SLCO4A1: variants seen among roughly 807,000 people sequenced by gnomAD.
The protein encoded by SLCO4A1 is solute carrier organic anion transporter family member 4A1.
A neutral mutation model predicts 64.6 loss-of-function variants in SLCO4A1; 51 were observed. That is an observed-to-expected ratio of 0.79 (90% CI 0.63 to 1.00). The LOEUF (loss-of-function observed/expected upper bound fraction) is 1.00. Ranked by LOEUF, SLCO4A1 falls within the 50% of genes least tolerant of loss-of-function variation. SLCO4A1 has a pLI of 0.00. For missense variants in SLCO4A1, 919 were observed against 980.5 expected, an observed-to-expected ratio of 0.94 and a Z score of 0.84; for synonymous variants, 471 against 444.9, an observed-to-expected ratio of 1.06 and a Z score of -0.74.
At position 62,678,956 on chromosome 20, in the gene SLCO4A1, C is replaced by T. The variant is rs879378916; in HGVS notation, n.212-6485C>T. Among the ~76,000 whole-genome samples the T allele has an allele frequency of 4.6e-5, 7 of 152,278 alleles. No homozygotes were observed. The East Asian group carries it at 7.7e-4, about 17-fold the overall frequency. On this transcript the variant is annotated intron_variant and non_coding_transcript_variant, in intron 2 of 2. Coordinates refer to the SLCO4A1 transcript ENST00000466818. Reference sequence around the variant, plus strand: ...GCATGGGGCTGGGCAAGGTGGCTCGCGCCTATAATGCCAGCACTTTGGGAG... The same window carrying T: ...GCATGGGGCTGGGCAAGGTGGCTCGTGCCTATAATGCCAGCACTTTGGGAG...
intron 2 of SLCO4A1, 43 bp from the exon 3 acceptor site, chr20:62,658,634 T>C: frequency 6.5e-7 from 1 of 1,530,172 alleles, no homozygotes. Context: ...CCGCAGCCCC[T>C]GGGTGGTGCA....
chr20:62,660,606 G>T (rs968417899), intron 4 of SLCO4A1, 73 bp downstream of exon 4: 1 of 1,513,950 alleles, frequency 6.6e-7, no homozygotes, highest in East Asian at 2.3e-5. Context: ...GGGGCACCCC[G>T]TTTCCTCTGC....
intron 4 of SLCO4A1, 99 bp from the exon 5 acceptor site, chr20:62,660,965 C>G (rs1462038067): frequency 1.2e-6 from 1 of 821,894 alleles, no homozygotes; most frequent in African/African-American, 1.7e-5. Context: ...CGTTCCCAGA[C>G]CGGGGAGGGG....
intron 3 of SLCO4A1, among the ~76,000 whole-genome samples, chr20:62,660,195 T>C (rs1244313688): frequency 6.6e-6 from 1 of 152,182 alleles, no homozygotes; most frequent in African/African-American, 2.4e-5. Context: ...CATGGAGCCA[T>C]CTGTCTTGGG....
Position 62,661,272 on chromosome 20 carries a change from G to A in SLCO4A1, c.1121+97G>A. 1.2e-6 allele frequency: 1 copy of A among 839,672 alleles called. No individual in the cohort carries two copies. The highest frequency in any genetic ancestry group is 2.0e-6 in the Non-Finnish European group (1 of 495,510). 52.0% of individuals were successfully genotyped at this position (839,672 alleles called of 1,614,324 possible). On this transcript the variant is annotated intron_variant, in intron 5 of 11. Transcript: ENST00000217159. The surrounding 1 kb of genome is among the most constrained non-coding windows in gnomAD (Gnocchi z 5.2). ...TGAGACCCCTCCGGGATCATGATGGGGACGCAGCCCCTAACCTCTGTCGTG... is the reference window on the plus strand; with the variant it reads ...TGAGACCCCTCCGGGATCATGATGGAGACGCAGCCCCTAACCTCTGTCGTG...
At chr20:62,679,911 A>G (rs1187045356) in intron 2 of SLCO4A1, among the ~76,000 whole-genome samples, 1 of 152,168 alleles carries the variant, frequency 6.6e-6, no homozygotes, top group Non-Finnish European at 1.5e-5. Context: ...GAATAAAGGA[A>G]AGGTCTGCAG....
rs1980937681 is a variant in SLCO4A1 at position 62,644,312 on chromosome 20, C to A, written c.-97+1759C>A. Among the ~76,000 whole-genome samples, 1 of 152,240 alleles carries A rather than the reference C, an allele frequency of 6.6e-6. No individual in the cohort carries two copies. The highest frequency in any genetic ancestry group is 1.5e-5 in the Non-Finnish European group (1 of 68,032). On this transcript the variant is annotated intron_variant, in intron 1 of 11. Coordinates refer to ENST00000217159, the MANE Select transcript of SLCO4A1 (RefSeq NM_016354.4). This position sits in a 1 kb window ranked among gnomAD's most constrained non-coding sequence, Gnocchi z 5.4. ...GGCTGTGTCCTGCCTTCCTGCTGGGCAAGGTCAGCAGGTGGTGCCTGGAAA... is the reference window on the plus strand; with the variant it reads ...GGCTGTGTCCTGCCTTCCTGCTGGGAAAGGTCAGCAGGTGGTGCCTGGAAA...
intron 3 of SLCO4A1, among the ~76,000 whole-genome samples, chr20:62,658,982 C>G (rs112287701): frequency 6.6e-6 from 1 of 152,242 alleles, no homozygotes; most frequent in African/African-American, 2.4e-5. Context: ...GGAGGCAGGG[C>G]AGGCAGGCAG....
At chr20:62,672,940 C>T (rs1987387552), downstream of SLCO4A1, among the ~76,000 whole-genome samples, 1 of 102,974 alleles carries the variant, frequency 9.7e-6, no homozygotes, top group Non-Finnish European at 2.5e-5. Flanking sequence ...AGGATGGACG[C>T]CACCCTCGCC....
intron 1 of SLCO4A1, among the ~76,000 whole-genome samples, chr20:62,643,960 G>GT (rs1429900975): frequency 6.6e-6 from 1 of 152,234 alleles, no homozygotes; most frequent in East Asian, 1.9e-4. Flanking sequence ...CACACAGCTT[G>GT]TAAGTGCTGA....
downstream of SLCO4A1, among the ~76,000 whole-genome samples, chr20:62,687,706 G>C (rs1600705793): frequency 2.0e-5 from 3 of 152,188 alleles, no homozygotes; most frequent in South Asian, 6.2e-4. Flanking sequence ...ACGGGCTGTG[G>C]GGGGCCGCTC....
At chr20:62,689,720 T>C (rs1303104843), downstream of SLCO4A1, among the ~76,000 whole-genome samples, 1 of 152,192 alleles carries the variant, frequency 6.6e-6, no homozygotes, top group African/African-American at 2.4e-5. Context: ...CATGCCTTAA[T>C]AACTTGCGGG....
At chr20:62,672,860 C>T (rs1349962551), downstream of SLCO4A1, among the ~76,000 whole-genome samples, 1 of 152,140 alleles carries the variant, frequency 6.6e-6, no homozygotes, top group East Asian at 1.9e-4. Context: ...AGCCCTGCAG[C>T]CCCAGGGCCT....
At chr20:62,660,075 GCCT>G (rs1984479385) in intron 3 of SLCO4A1, among the ~76,000 whole-genome samples, 2 of 152,268 alleles carry the variant, frequency 1.3e-5, no homozygotes, top group South Asian at 4.1e-4. Flanking sequence ...GGGGAGGGAT[GCCT>G]CCTCCCGCTG....
intron 1 of SLCO4A1, among the ~76,000 whole-genome samples, chr20:62,653,883 C>A (rs1477180355): frequency 6.9e-6 from 1 of 145,012 alleles, no homozygotes; most frequent in Non-Finnish European, 1.5e-5. Context: ...CACCCCGGGG[C>A]CTGCCATGGG....
At chr20:62,664,523 G>A (rs1306560081) in intron 5 of SLCO4A1, among the ~76,000 whole-genome samples, 1 of 152,192 alleles carries the variant, frequency 6.6e-6, no homozygotes, top group African/African-American at 2.4e-5. Flanking sequence ...ACGGAACAGG[G>A]TCCTGGGTCA....
chr20:62,690,171 C>T (rs1160236881), downstream of SLCO4A1, among the ~76,000 whole-genome samples: 2 of 152,208 alleles, frequency 1.3e-5, no homozygotes, highest in African/African-American at 2.4e-5. Flanking sequence ...TCTGCTCCAG[C>T]GGTGCTTCCT....
chr20:62,688,796 C>A (rs1988143460), downstream of SLCO4A1, among the ~76,000 whole-genome samples: 1 of 152,222 alleles, frequency 6.6e-6, no homozygotes, highest in Non-Finnish European at 1.5e-5. Context: ...ATGTCAGAAG[C>A]ACCAAACACA....
At chr20:62,687,050 TG>T (rs1186268185), downstream of SLCO4A1, among the ~76,000 whole-genome samples, 1 of 71,426 alleles carries the variant, frequency 1.4e-5, no homozygotes, top group African/African-American at 6.2e-5. Context: ...ACAGGAGCAA[TG>T]GGAAAGGGCA....
Sources: gnomAD v4.1 joint callset for allele counts (sites outside exome capture counted in the v4.1 genomes callset) on GRCh38, gnomAD v4.1.1 for gene constraint, Gnocchi (gnomAD v3.1) non-coding constraint, MANE v1.5 for transcripts, NCBI Gene and HGNC (gene_info 2026-07-23, HGNC 2026-07-21) for gene names.